IRAK1BP1: variants seen among roughly 807,000 people sequenced by gnomAD.
IRAK1BP1 encodes interleukin 1 receptor associated kinase 1 binding protein 1.
In IRAK1BP1, 24 loss-of-function variants were observed where a neutral mutation model predicts 28.0. The ratio of observed to expected loss-of-function variants is 0.86; its 90% CI spans 0.62 to 1.20. The LOEUF (loss-of-function observed/expected upper bound fraction) is 1.20. Among genes scored for constraint, IRAK1BP1 ranks in the 50% most tolerant of loss-of-function variants. The pLI, the probability that IRAK1BP1 is intolerant of heterozygous loss-of-function variation, is 0.00. For synonymous variants in IRAK1BP1, 131 were observed against 116.3 expected, an observed-to-expected ratio of 1.13 and a Z score of -0.81; for missense variants, 336 against 316.7, an observed-to-expected ratio of 1.06 and a Z score of -0.46.
rs143961430 is a variant in IRAK1BP1 at position 78,913,046 on chromosome 6, T to C, written c.*67+9936T>C. 6.4e-4 allele frequency among the ~76,000 whole-genome samples: 98 copies of C among 152,226 alleles called. 1 individual carries two copies. In the South Asian group the frequency reaches 8.1e-3, roughly 13 times the overall value. ...AATCATGATTGATTCCATAAAAGTA[T>C]AAGTCATGGCCGGGTGCGGTAGCTC... On this transcript the variant is annotated intron_variant and NMD_transcript_variant, in intron 4 of 4. Coordinates refer to the IRAK1BP1 transcript ENST00000606868.
chr6:78,968,952 T>C, the IRAK1BP1 span, among the ~76,000 whole-genome samples: 898 of 152,344 alleles, frequency 5.9e-3, 4 homozygotes, highest in African/African-American at 0.02. Flanking sequence ...TCCTGAGGCT[T>C]CTACTGAATA....
intron 4 of IRAK1BP1, among the ~76,000 whole-genome samples, chr6:78,916,693 A>G (rs922667861): frequency 2.6e-5 from 4 of 152,148 alleles, no homozygotes; most frequent in Non-Finnish European, 5.9e-5. Flanking sequence ...AGAAAAATCT[A>G]CATCTAGGTG....
intron 4 of IRAK1BP1, among the ~76,000 whole-genome samples, chr6:78,911,730 T>A (rs1413771104): frequency 2.0e-5 from 3 of 152,174 alleles, no homozygotes; most frequent in Non-Finnish European, 4.4e-5. Flanking sequence ...CTGAGTACTC[T>A]GTACCGGGCA....
At chr6:78,882,084 A>G (rs959569959) in intron 1 of IRAK1BP1, among the ~76,000 whole-genome samples, 4 of 152,118 alleles carry the variant, frequency 2.6e-5, no homozygotes, top group South Asian at 2.1e-4. Flanking sequence ...ATGACACCCC[A>G]ATAGCAGTGA....
intron 2 of IRAK1BP1, among the ~76,000 whole-genome samples, chr6:78,897,508 G>A (rs1771932978): frequency 6.6e-6 from 1 of 152,060 alleles, no homozygotes; most frequent in African/African-American, 2.4e-5. Context: ...TTAGACAAAG[G>A]AATCATGCTA....
the IRAK1BP1 span, chr6:78,965,806 T>C: frequency 1.9e-5 from 24 of 1,236,638 alleles, no homozygotes; most frequent in Non-Finnish European, 2.7e-5. Context: ...ATCTAAATTA[T>C]TGTATCACAA....
chr6:78,946,939 C>G, downstream of IRAK1BP1: 1 of 889,598 alleles, frequency 1.1e-6, no homozygotes, highest in Non-Finnish European at 1.7e-6. Context: ...TCAGTAAATA[C>G]TGTAATGTAA....
intron 2 of IRAK1BP1, among the ~76,000 whole-genome samples, chr6:78,891,751 C>T (rs1241228285): frequency 6.6e-6 from 1 of 152,112 alleles, no homozygotes; most frequent in Non-Finnish European, 1.5e-5. Flanking sequence ...CGTGAGCCAC[C>T]GTGCCCAGCC....
chr6:78,879,601 T>G (rs188641090), intron 1 of IRAK1BP1, among the ~76,000 whole-genome samples: 2 of 152,334 alleles, frequency 1.3e-5, no homozygotes, highest in East Asian at 1.9e-4. Context: ...TAGCATCTGT[T>G]GCCTGTTACC....
the IRAK1BP1 span, among the ~76,000 whole-genome samples, chr6:78,966,624 C>T: frequency 1.2e-4 from 18 of 152,264 alleles, no homozygotes; most frequent in African/African-American, 4.3e-4. Flanking sequence ...CTTTTTAAAA[C>T]AGAGGACACT....
intron 2 of IRAK1BP1, among the ~76,000 whole-genome samples, chr6:78,887,659 C>T (rs1371931760): frequency 6.6e-6 from 1 of 152,012 alleles, no homozygotes; most frequent in African/African-American, 2.4e-5. Flanking sequence ...GAGCAAGACT[C>T]CATCTCACAC....
At chr6:78,916,606 T>G (rs1181878215) in intron 4 of IRAK1BP1, among the ~76,000 whole-genome samples, 7 of 152,220 alleles carry the variant, frequency 4.6e-5, no homozygotes, top group Non-Finnish European at 7.3e-5. Context: ...AGTGTTTAAT[T>G]CGTTGTGTTA....
chr6:78,887,219 C>T (rs1045366381), intron 2 of IRAK1BP1, among the ~76,000 whole-genome samples: 10 of 151,984 alleles, frequency 6.6e-5, no homozygotes, highest in Admixed American at 3.9e-4. Flanking sequence ...TAAAAATGAA[C>T]GAAGGACTTG....
chr6:78,964,314 T>C, the IRAK1BP1 span, among the ~76,000 whole-genome samples: 10 of 152,306 alleles, frequency 6.6e-5, no homozygotes, highest in Admixed American at 6.5e-4. Flanking sequence ...ATTTTCTCAT[T>C]TCTGAGGTCT....
the IRAK1BP1 span, chr6:78,955,037 T>C: frequency 1.9e-6 from 2 of 1,048,684 alleles, no homozygotes; most frequent in South Asian, 3.4e-5. Flanking sequence ...AATGTAGTCT[T>C]AGATAATTGG....
chr6:78,881,544 C>G lies in IRAK1BP1; in HGVS notation c.316-3834C>G, dbSNP rs549494619. On this transcript the variant is annotated intron_variant, in intron 1 of 3. Transcript: ENST00000369940. ...ACTGGAGGAAAAAGGCATCAAAGAGCCTATCACAGGATCAATCCCAGGATA... is the reference window on the plus strand; with the variant it reads ...ACTGGAGGAAAAAGGCATCAAAGAGGCTATCACAGGATCAATCCCAGGATA... Among the ~76,000 whole-genome samples the G allele has an allele frequency of 3.3e-5, 5 of 152,164 alleles. No individual in the cohort carries two copies. In the South Asian group the frequency reaches 8.3e-4, roughly 25 times the overall value.
intron 2 of IRAK1BP1, among the ~76,000 whole-genome samples, chr6:78,894,257 G>A (rs960911387): frequency 3.9e-5 from 6 of 152,144 alleles, no homozygotes; most frequent in Non-Finnish European, 8.8e-5. Context: ...CAATAATCAC[G>A]TTAAATGTAA....
At chr6:78,912,288 G>T (rs753471119) in intron 4 of IRAK1BP1, among the ~76,000 whole-genome samples, 2 of 152,078 alleles carry the variant, frequency 1.3e-5, no homozygotes, top group Non-Finnish European at 2.9e-5. Flanking sequence ...AGTAGGTTCT[G>T]CTGACAAAAG....
chr6:78,969,009 C>T, the IRAK1BP1 span, among the ~76,000 whole-genome samples: 7 of 152,138 alleles, frequency 4.6e-5, no homozygotes. Flanking sequence ...CTTCCTGTTT[C>T]CTGAGGGGAT....
Sources: allele counts gnomAD v4.1 joint callset (sites outside exome capture counted in the v4.1 genomes callset), GRCh38; gene constraint gnomAD v4.1.1; transcripts MANE v1.5; gene names NCBI Gene and HGNC (gene_info 2026-07-23, HGNC 2026-07-21).